RASGEF1C: variants seen among roughly 807,000 people sequenced by gnomAD.
RASGEF1C encodes the protein RasGEF domain family member 1C.
Under a neutral mutation model 58.1 loss-of-function variants are expected in RASGEF1C, and 27 were observed. The ratio of observed to expected loss-of-function variants is 0.46; its 90% CI spans 0.34 to 0.64. The LOEUF is 0.64. Ranked by LOEUF, RASGEF1C falls within the 30% of genes least tolerant of loss-of-function variation. The probability of loss-of-function intolerance (pLI) is 0.01; values close to 1 mark genes in which losing one functional copy is unlikely to be tolerated. For missense variants in RASGEF1C, 502 were observed against 605.1 expected (o/e 0.83, Z 1.79); for synonymous variants, 243 against 246.3 (o/e 0.99, Z 0.13).
chr5:180,190,453 G>GCCCT (rs1387231402), intron 1 of RASGEF1C, among the ~76,000 whole-genome samples: 2 of 133,438 alleles, frequency 1.5e-5, no homozygotes, highest in African/African-American at 5.5e-5. Context: ...TCGCGCCACT[G>GCCCT]CACTCCAGAC....
At chr5:180,190,489 CAAAA>C (rs869186264) in intron 1 of RASGEF1C, among the ~76,000 whole-genome samples, 2,992 of 77,522 alleles carry the variant, frequency 0.039, 165 homozygotes, top group African/African-American at 0.067. Context: ...GACTCCGTCT[CAAAA>C]AAAAAAAAAA....
intron 1 of RASGEF1C, 137 bp from the exon 2 acceptor site, chr5:180,138,195 TGGTCACTTCCTGGGAGTATTGTCAG>T (rs1290937114): frequency 5.6e-6 from 3 of 539,000 alleles, no homozygotes; most frequent in African/African-American, 2.0e-5. Flanking sequence ...TTGAGTCCAG[TGGTCACTTCCTGGGAGTATTGTCAG>T]GGCCCCTTCC....
chr5:180,181,521 T>C (rs1045902260), intron 1 of RASGEF1C, among the ~76,000 whole-genome samples: 5 of 152,124 alleles, frequency 3.3e-5, no homozygotes, highest in African/African-American at 1.2e-4. Context: ...ACATGACTAA[T>C]GACCTTAGAA....
chr5:180,131,805 T>A (rs1229982212), intron 4 of RASGEF1C, among the ~76,000 whole-genome samples: 1 of 152,246 alleles, frequency 6.6e-6, no homozygotes, highest in African/African-American at 2.4e-5. Flanking sequence ...CCTTATTTTT[T>A]AAAAACACAG....
chr5:180,127,687 C>T lies in RASGEF1C; in HGVS notation c.640-4G>A, dbSNP rs1438174980. Reference sequence around the variant, plus strand: ...GCCCGATGTGCCGCAGCCGCTCCTGCAGGGAAGGGTGAAGAGTGGGTAAAA... The same window carrying T: ...GCCCGATGTGCCGCAGCCGCTCCTGTAGGGAAGGGTGAAGAGTGGGTAAAA... On this transcript the variant is annotated splice_region_variant and splice_polypyrimidine_tract_variant and intron_variant, in intron 5 of 13. Coordinates refer to ENST00000361132, the MANE Select transcript of RASGEF1C (RefSeq NM_175062.4). The T allele has an allele frequency of 1.2e-6, 2 of 1,611,698 alleles. No homozygotes were observed. Among genetic ancestry groups the T allele is most frequent in the Non-Finnish European group, 8.5e-7 (1 of 1,179,116 alleles).
At chr5:180,138,158 C>T (rs533993995) in intron 1 of RASGEF1C, 100 bp from the exon 2 acceptor site, 64 of 684,230 alleles carry the variant, frequency 9.4e-5, no homozygotes, top group Non-Finnish European at 1.3e-4. Context: ...GCTGGGCAGG[C>T]TCCCCCCACA....
intron 1 of RASGEF1C, among the ~76,000 whole-genome samples, chr5:180,160,269 G>C (rs1766919137): frequency 6.6e-6 from 1 of 152,176 alleles, no homozygotes; most frequent in South Asian, 2.1e-4. Context: ...GGGTCCCTGA[G>C]GCCTCCAGGG....
rs1405038695 is a variant in RASGEF1C, at chr5:180,101,782, G to C, written c.1377-257C>G. Among the ~76,000 whole-genome samples the C allele has an allele frequency of 5.9e-5, 9 of 152,230 alleles. No individual in the cohort carries two copies. In the South Asian group the frequency reaches 8.3e-4, roughly 14 times the overall value. The stretch of plus-strand genomic sequence containing the variant: ...TCCCACTGTCTGGCATACAAATATA[G>C]ACTGGGAGTCCCTGTCCCTGGGACA... On this transcript the variant is annotated intron_variant, in intron 13 of 13. Transcript: ENST00000361132.
intron 12 of RASGEF1C, among the ~76,000 whole-genome samples, chr5:180,103,617 C>G (rs563549682): frequency 2.0e-4 from 31 of 152,250 alleles, no homozygotes; most frequent in Admixed American, 4.6e-4. Context: ...TTTTCCTCAT[C>G]ATCTGCAAAT....
intron 11 of RASGEF1C, among the ~76,000 whole-genome samples, chr5:180,113,296 C>T (rs1436406439): frequency 1.4e-4 from 9 of 65,648 alleles, no homozygotes; most frequent in South Asian, 1.2e-3. Flanking sequence ...CCAGGATGGA[C>T]GGAGGGACCG....
chr5:180,194,656 T>C (rs921994131), intron 1 of RASGEF1C, among the ~76,000 whole-genome samples: 3 of 152,180 alleles, frequency 2.0e-5, no homozygotes, highest in Non-Finnish European at 4.4e-5. Flanking sequence ...CCCACTGTGG[T>C]CAGGACACTG....
At position 180,156,817 on chromosome 5, in the gene RASGEF1C, TTAA is replaced by T. The variant is rs1230502711; in HGVS notation, c.-6-18762_-6-18760del. 6.6e-6 allele frequency among the ~76,000 whole-genome samples: 1 copy of T among 151,960 alleles called. No individual in the cohort carries two copies. The highest frequency in any genetic ancestry group is 1.5e-5 in the Non-Finnish European group (1 of 67,990). The stretch of plus-strand genomic sequence containing the variant: ...AAAACATACAAAGAAATCTTACAAC[TTAA>T]TAATAAGAAAACAAACAACCTGATT... On this transcript the variant is annotated intron_variant, in intron 1 of 13. Coordinates refer to ENST00000361132, the MANE Select transcript of RASGEF1C (RefSeq NM_175062.4). This position sits in a 1 kb window ranked among gnomAD's most constrained non-coding sequence, Gnocchi z 4.9.
chr5:180,138,529 G>A (rs549757633), intron 1 of RASGEF1C, among the ~76,000 whole-genome samples: 4 of 152,290 alleles, frequency 2.6e-5, no homozygotes, highest in African/African-American at 9.6e-5. Context: ...TTGAGCTGGT[G>A]GAATGTATGC....
At chr5:180,132,050 C>T (rs575903199) in intron 4 of RASGEF1C, among the ~76,000 whole-genome samples, 19 of 152,282 alleles carry the variant, frequency 1.2e-4, no homozygotes, top group South Asian at 2.1e-4. Context: ...GCTTGGAGAT[C>T]TCGCTGGTAG....
intron 1 of RASGEF1C, among the ~76,000 whole-genome samples, chr5:180,191,513 C>T (rs981106624): frequency 5.9e-5 from 9 of 152,132 alleles, no homozygotes; most frequent in East Asian, 3.9e-4. Flanking sequence ...CCCGCCACCA[C>T]GGCCGGCTGA....
intron 6 of RASGEF1C, among the ~76,000 whole-genome samples, chr5:180,125,051 T>G (rs1428791766): frequency 6.6e-6 from 1 of 152,158 alleles, no homozygotes; most frequent in Non-Finnish European, 1.5e-5. Flanking sequence ...GAGGATCACT[T>G]GAGCCCGGGA....
intron 10 of RASGEF1C, 62 bp downstream of exon 10, chr5:180,118,547 C>T: frequency 6.9e-7 from 1 of 1,445,800 alleles, no homozygotes; most frequent in Non-Finnish European, 9.4e-7. Context: ...AGCAAGTGAA[C>T]TCTGAGCCAG....
chr5:180,118,931 C>G (rs932015074), intron 8 of RASGEF1C, 65 bp from the exon 9 acceptor site: 1 of 1,449,758 alleles, frequency 6.9e-7, no homozygotes. Flanking sequence ...CGTAGCTGCA[C>G]CCCCTTGGAC....
At chr5:180,125,495 TAGTC>T (rs1300981567) in intron 6 of RASGEF1C, among the ~76,000 whole-genome samples, 27 of 152,340 alleles carry the variant, frequency 1.8e-4, no homozygotes, top group African/African-American at 6.0e-4. Flanking sequence ...CACAATAAGT[TAGTC>T]AGGCCGGGCG....
Sources: gnomAD v4.1 joint callset for allele counts (sites outside exome capture counted in the v4.1 genomes callset) on GRCh38, gnomAD v4.1.1 for gene constraint, Gnocchi (gnomAD v3.1) non-coding constraint, MANE v1.5 for transcripts, NCBI Gene and HGNC (gene_info 2026-07-23, HGNC 2026-07-21) for gene names.